TINCR: variants seen among roughly 807,000 people sequenced by gnomAD.
The protein encoded by TINCR is TINCR-encoded ubiquitin-like protein.
chr19:5,560,070 G>A (rs1347700462), downstream of TINCR: 1 of 152,148 alleles, frequency 6.6e-6, no homozygotes, highest in East Asian at 1.9e-4. The surrounding 1 kb of genome is among the most constrained non-coding windows in gnomAD (Gnocchi z 4.5). Flanking sequence ...CACACCCAGG[G>A]GCCAGCAAGA....
In TINCR at chr19:5,563,712, T is replaced by C. The variant is rs1229038634; in HGVS notation, c.261-763A>G. Among the ~76,000 whole-genome samples, 2 of 151,966 alleles carry C rather than the reference T, an allele frequency of 1.3e-5. No individual in the cohort carries two copies. The highest frequency in any genetic ancestry group is 2.9e-5 in the Non-Finnish European group (2 of 67,984). The stretch of plus-strand genomic sequence containing the variant: ...GGCAGATCACCTGAGGTTAGGAGTT[T>C]GAGACCAGCCTGGCCAACATGGTGA... On this transcript the variant is annotated intron_variant, in intron 1 of 1. Coordinates refer to ENST00000646160, the Ensembl canonical transcript of TINCR. The surrounding 1 kb of genome is among the most constrained non-coding windows in gnomAD (Gnocchi z 4.7).
intron 1 of TINCR, among the ~76,000 whole-genome samples, chr19:5,566,168 G>C (rs1267049599): frequency 1.3e-5 from 2 of 152,226 alleles, no homozygotes; most frequent in Admixed American, 1.3e-4. Flanking sequence ...AAGGAAGAGA[G>C]AGACAGAGCT....
chr19:5,564,502 G>A (rs939672656), intron 1 of TINCR, among the ~76,000 whole-genome samples: 3 of 101,376 alleles, frequency 3.0e-5, no homozygotes, highest in Non-Finnish European at 6.0e-5. Context: ...ATCAACCCCA[G>A]CTGTGTGTGT....
rs912094725 is a variant in TINCR, at chr19:5,563,892, G to A, written c.261-943C>T. On this transcript the variant is annotated intron_variant, in intron 1 of 1. Coordinates refer to ENST00000646160, the Ensembl canonical transcript of TINCR. The surrounding 1 kb of genome is among the most constrained non-coding windows in gnomAD (Gnocchi z 4.7). ...ATTGCGCCACTGCACTCCAGCCTGG[G>A]CGACAGAGCAAGACTCCCGTCTCAA... Among the ~76,000 whole-genome samples, 1 of 152,096 alleles carries A rather than the reference G, an allele frequency of 6.6e-6. No homozygotes were observed. Among genetic ancestry groups the A allele is most frequent in the Non-Finnish European group, 1.5e-5 (1 of 68,032 alleles).
intron 1 of TINCR, among the ~76,000 whole-genome samples, chr19:5,564,526 C>T (rs1376381133): frequency 6.6e-6 from 1 of 152,086 alleles, no homozygotes; most frequent in African/African-American, 2.4e-5. Context: ...CAGGGATGGG[C>T]AAGGGGCAGG....
At chr19:5,559,121 T>A (rs898056060), downstream of TINCR, 6 of 151,980 alleles carry the variant, frequency 3.9e-5, no homozygotes, top group African/African-American at 1.4e-4. Context: ...GCATGTGATT[T>A]GCATACTGTT....
At position 5,565,663 on chromosome 19, in the gene TINCR, C is replaced by T. The variant is rs1020132712; in HGVS notation, c.260+2002G>A. On this transcript the variant is annotated intron_variant, in intron 1 of 1. Transcript: ENST00000646160. This position sits in a 1 kb window ranked among gnomAD's most constrained non-coding sequence, Gnocchi z 4.0. ...ATCATCCTCTCAGCCTCCCCGTCCC[C>T]GCTAAGATCTTCCCTCAAGAGGGCC... is the stretch of plus-strand genomic sequence containing the variant. Among the ~76,000 whole-genome samples the T allele has an allele frequency of 6.6e-6, 1 of 152,154 alleles. No homozygotes were observed. Among genetic ancestry groups the T allele is most frequent in the African/African-American group, 2.4e-5 (1 of 41,428 alleles).
chr19:5,564,645 C>G (rs2052118972), intron 1 of TINCR, among the ~76,000 whole-genome samples: 1 of 152,216 alleles, frequency 6.6e-6, no homozygotes, highest in Non-Finnish European at 1.5e-5. Context: ...GAGGCACGAT[C>G]TCAGCTCACT....
At position 5,565,175 on chromosome 19, in the gene TINCR, C is replaced by T. The variant is rs913102806; in HGVS notation, c.261-2226G>A. Among the ~76,000 whole-genome samples, 1 of 152,146 alleles carries T rather than the reference C, an allele frequency of 6.6e-6. No homozygotes were observed. Among genetic ancestry groups the T allele is most frequent in the Non-Finnish European group, 1.5e-5 (1 of 68,018 alleles). On this transcript the variant is annotated intron_variant, in intron 1 of 1. Transcript: ENST00000646160. This position sits in a 1 kb window ranked among gnomAD's most constrained non-coding sequence, Gnocchi z 4.0. ...CCCTCTCTCCCCCTTGCTCCAGCCACACGGGCCTCCTCGCTGTTCCTCCAA... is the reference window on the plus strand; with the variant it reads ...CCCTCTCTCCCCCTTGCTCCAGCCATACGGGCCTCCTCGCTGTTCCTCCAA...
rs868032713 is a variant in TINCR, at chr19:5,563,568, T to C, written c.261-619A>G. On this transcript the variant is annotated intron_variant, in intron 1 of 1. Coordinates refer to ENST00000646160, the Ensembl canonical transcript of TINCR. This position sits in a 1 kb window ranked among gnomAD's most constrained non-coding sequence, Gnocchi z 4.7. The stretch of plus-strand genomic sequence containing the variant: ...TGGGTTTAGACCCTGGCTCTGCCCC[T>C]TCCCAGCTTAATCTTACTCTGCCTC... Among the ~76,000 whole-genome samples the C allele has an allele frequency of 1.6e-4, 25 of 152,292 alleles. No homozygotes were observed. The highest frequency in any genetic ancestry group is 6.0e-4 in the African/African-American group (25 of 41,566).
chr19:5,561,426 A>C (rs2052101626), downstream of TINCR: 1 of 153,354 alleles, frequency 6.5e-6, no homozygotes, highest in African/African-American at 2.4e-5. Flanking sequence ...GGAAGGGTAA[A>C]CCCGTTTCAA....
chr19:5,567,172 G>A (rs926225682), intron 1 of TINCR, among the ~76,000 whole-genome samples: 51 of 152,000 alleles, frequency 3.4e-4, no homozygotes, highest in African/African-American at 1.2e-3. Flanking sequence ...ACAAGAGGGA[G>A]ACAGAGATAA....
chr19:5,564,947 CCT>C (rs935820665), intron 1 of TINCR, among the ~76,000 whole-genome samples: 4 of 152,062 alleles, frequency 2.6e-5, no homozygotes, highest in African/African-American at 9.7e-5. Context: ...ACCCTGGTCT[CCT>C]GTCTCCAGCC....
chr19:5,559,083 G>A (rs1340972524), downstream of TINCR: 2 of 152,250 alleles, frequency 1.3e-5, no homozygotes, highest in Non-Finnish European at 2.9e-5. Context: ...CGAGGCTTAA[G>A]AAATGGGTGG....
chr19:5,566,781 G>A (rs1052377506), intron 1 of TINCR, among the ~76,000 whole-genome samples: 39 of 151,774 alleles, frequency 2.6e-4, no homozygotes, highest in Admixed American at 2.6e-3. Flanking sequence ...GAGACACAAA[G>A]AGACAAAGGG....
Position 5,564,305 on chromosome 19 carries a change from G to A in TINCR, c.261-1356C>T, listed in dbSNP as rs73920017. ...CACATGGGGAAGCTGAGGCCTCCCCGGCTGCTGCTGCACCATCCACTAGTA... is the reference window on the plus strand; with the variant it reads ...CACATGGGGAAGCTGAGGCCTCCCCAGCTGCTGCTGCACCATCCACTAGTA... On this transcript the variant is annotated intron_variant, in intron 1 of 1. Transcript: ENST00000646160. Among the ~76,000 whole-genome samples, 646 of 152,294 alleles carry A rather than the reference G, an allele frequency of 4.2e-3. 5 individuals are homozygous for A. Among genetic ancestry groups the A allele is most frequent in the African/African-American group, 0.015 (631 of 41,570 alleles).
In TINCR at chr19:5,565,558, C is replaced by T. The variant is rs1036987908; in HGVS notation, c.260+2107G>A. On this transcript the variant is annotated intron_variant, in intron 1 of 1. Coordinates refer to ENST00000646160, the Ensembl canonical transcript of TINCR. The surrounding 1 kb of genome is among the most constrained non-coding windows in gnomAD (Gnocchi z 4.0). Reference sequence around the variant, plus strand: ...AATTACAGTCTGGACGTCTGAGGGTCGTCCAGCCCCCAGACCTCATAGAAG... The same window carrying T: ...AATTACAGTCTGGACGTCTGAGGGTTGTCCAGCCCCCAGACCTCATAGAAG... Among the ~76,000 whole-genome samples the T allele has an allele frequency of 6.6e-6, 1 of 152,140 alleles. No homozygotes were observed. Among genetic ancestry groups the T allele is most frequent in the Non-Finnish European group, 1.5e-5 (1 of 68,032 alleles).
rs895901683 is a variant in TINCR, at chr19:5,566,929, G to A, written c.260+736C>T. 2.7e-5 allele frequency among the ~76,000 whole-genome samples: 4 copies of A among 149,874 alleles called. No homozygotes were observed. In the East Asian group the frequency reaches 8.1e-4, roughly 30 times the overall value. On this transcript the variant is annotated intron_variant, in intron 1 of 1. Coordinates refer to ENST00000646160, the Ensembl canonical transcript of TINCR. ...AGGGAGGAAAACAGCAGAGAGAGAA[G>A]TGGGCAGAGACACAGAGTGACAGAG...
rs554218724 is a variant in TINCR, at chr19:5,565,377, G to A, written c.260+2288C>T. Among the ~76,000 whole-genome samples the A allele has an allele frequency of 1.5e-4, 23 of 152,254 alleles. No homozygotes were observed. The highest frequency in any genetic ancestry group is 2.9e-4 in the Non-Finnish European group (20 of 68,028). The stretch of plus-strand genomic sequence containing the variant: ...CTCCACCTTCCCTGCATCCCCCACA[G>A]CGCCAATTGCGAGTTGACATTCTCC... On this transcript the variant is annotated intron_variant, in intron 1 of 1. Coordinates refer to ENST00000646160, the Ensembl canonical transcript of TINCR. The surrounding 1 kb of genome is among the most constrained non-coding windows in gnomAD (Gnocchi z 4.0).
Sources: gnomAD v4.1 joint callset for allele counts (sites outside exome capture counted in the v4.1 genomes callset) on GRCh38, gnomAD v4.1.1 for gene constraint, Gnocchi (gnomAD v3.1) non-coding constraint, MANE v1.5 for transcripts, NCBI Gene and HGNC (gene_info 2026-07-23, HGNC 2026-07-21) for gene names.